The following ZNF600 variants were observed in gnomAD, a reference collection of about 807,000 sequenced individuals.
ZNF600 encodes the protein zinc finger protein KR-ZNF1.
Under a neutral mutation model 7.3 loss-of-function variants are expected in ZNF600, and 4 were observed. That is an observed-to-expected ratio of 0.55 (90% CI 0.27 to 1.25). The LOEUF is 1.25. ZNF600 is among the 50% of genes most tolerant of loss of function. The probability of loss-of-function intolerance (pLI) is 0.12; values close to 1 mark genes in which losing one functional copy is unlikely to be tolerated. For synonymous variants in ZNF600, 290 were observed against 308.9 expected, an observed-to-expected ratio of 0.94 and a Z score of 0.64; for missense variants, 911 against 922.1, an observed-to-expected ratio of 0.99 and a Z score of 0.16.
At chr19:52,787,144 G>T (rs974244020), upstream of ZNF600, among the ~76,000 whole-genome samples, 3 of 152,210 alleles carry the variant, frequency 2.0e-5, no homozygotes, top group African/African-American at 4.8e-5. Context: ...GGTCCACCCC[G>T]TGCTCAGCTT....
the ZNF600 span, among the ~76,000 whole-genome samples, chr19:52,791,900 G>A: frequency 6.6e-6 from 1 of 152,214 alleles, no homozygotes; most frequent in Non-Finnish European, 1.5e-5. Flanking sequence ...TCACCTCTCT[G>A]TGGATCACAG....
intron 1 of ZNF600, among the ~76,000 whole-genome samples, chr19:52,782,009 C>T (rs978970730): frequency 6.6e-6 from 1 of 151,858 alleles, no homozygotes; most frequent in South Asian, 2.1e-4. Context: ...TGCAGTGAGA[C>T]GAGATCGTGC....
upstream of ZNF600, among the ~76,000 whole-genome samples, chr19:52,787,610 G>A (rs2062776199): frequency 6.6e-6 from 1 of 151,410 alleles, no homozygotes; most frequent in African/African-American, 2.4e-5. Flanking sequence ...TGTAATCTCA[G>A]CACTTTGGGA....
At chr19:52,830,363 G>A in the ZNF600 span, among the ~76,000 whole-genome samples, 6 of 152,036 alleles carry the variant, frequency 3.9e-5, no homozygotes, top group Non-Finnish European at 7.4e-5. Flanking sequence ...CAGTGTTCAC[G>A]TACATGACCC....
At chr19:52,768,268 C>G (rs2062604950) in intron 3 of ZNF600, among the ~76,000 whole-genome samples, 1 of 151,072 alleles carries the variant, frequency 6.6e-6, no homozygotes, top group Non-Finnish European at 1.5e-5. Flanking sequence ...ATTATAGCAC[C>G]GAGAAGAGAA....
At chr19:52,783,186 A>G (rs1393533379) in intron 1 of ZNF600, among the ~76,000 whole-genome samples, 1 of 151,966 alleles carries the variant, frequency 6.6e-6, no homozygotes, top group Non-Finnish European at 1.5e-5. Flanking sequence ...ACTTAGACAC[A>G]GGAGTTTGGC....
At chr19:52,810,544 A>T in the ZNF600 span, 1 of 1,596,426 alleles carries the variant, frequency 6.3e-7, no homozygotes, top group South Asian at 1.1e-5. Flanking sequence ...CCAACAGACC[A>T]GGCATCAGCA....
chr19:52,764,439 T>C (rs2062552649), downstream of ZNF600: 1 of 151,986 alleles, frequency 6.6e-6, no homozygotes, highest in Admixed American at 6.6e-5. Flanking sequence ...CTTGAACTTC[T>C]GACCTTAGGT....
the ZNF600 span, among the ~76,000 whole-genome samples, chr19:52,819,289 C>A: frequency 1.4e-5 from 2 of 141,738 alleles, no homozygotes; most frequent in African/African-American, 5.5e-5. Flanking sequence ...CCCTGCCAGG[C>A]ACTGACATGA....
chr19:52,803,751 G>T, the ZNF600 span, among the ~76,000 whole-genome samples: 1 of 152,082 alleles, frequency 6.6e-6, no homozygotes, highest in Non-Finnish European at 1.5e-5. Flanking sequence ...TAAATCAGGA[G>T]TTCGAGACCA....
At chr19:52,785,531 G>C (rs2062756475) in intron 1 of ZNF600, among the ~76,000 whole-genome samples, 1 of 152,126 alleles carries the variant, frequency 6.6e-6, no homozygotes, top group Non-Finnish European at 1.5e-5. Context: ...TTACAGGCAT[G>C]ACCCACAGCG....
chr19:52,811,884 A>G, the ZNF600 span, among the ~76,000 whole-genome samples: 1 of 89,274 alleles, frequency 1.1e-5, no homozygotes, highest in Admixed American at 1.2e-4. Context: ...TCCGGGAGGG[A>G]GGTGGGGGGG....
intron 1 of ZNF600, among the ~76,000 whole-genome samples, chr19:52,782,622 C>A (rs1323935892): frequency 1.3e-5 from 2 of 151,824 alleles, no homozygotes; most frequent in Non-Finnish European, 2.9e-5. Context: ...GCCTGTAATC[C>A]CAACACTTCG....
chr19:52,796,611 C>A, the ZNF600 span, among the ~76,000 whole-genome samples: 1 of 152,160 alleles, frequency 6.6e-6, no homozygotes, highest in Non-Finnish European at 1.5e-5. Flanking sequence ...AACCAGCAGA[C>A]ATGTGCCACC....
the ZNF600 span, among the ~76,000 whole-genome samples, chr19:52,815,454 T>C: frequency 3.5e-5 from 5 of 144,880 alleles, no homozygotes; most frequent in African/African-American, 1.4e-4. Context: ...GAGGTAGAGG[T>C]TGCAGTGAGC....
the ZNF600 span, among the ~76,000 whole-genome samples, chr19:52,819,705 T>A: frequency 1.4e-5 from 2 of 142,742 alleles, no homozygotes; most frequent in African/African-American, 5.8e-5. Context: ...GATGGACTGG[T>A]CTTATCATCC....
the ZNF600 span, among the ~76,000 whole-genome samples, chr19:52,793,378 T>G: frequency 6.6e-6 from 1 of 152,136 alleles, no homozygotes; most frequent in Non-Finnish European, 1.5e-5. Flanking sequence ...AAAGCTGCAA[T>G]GTCAAATGGG....
chr19:52,779,049 A>G (rs2062699496), intron 1 of ZNF600, 142 bp from the exon 4 acceptor site: 2 of 714,742 alleles, frequency 2.8e-6, no homozygotes, highest in African/African-American at 1.8e-5. Flanking sequence ...CAGAGATAAG[A>G]AAGTCCCACA....
At chr19:52,799,270 A>G in the ZNF600 span, 1 of 420,642 alleles carries the variant, frequency 2.4e-6, no homozygotes. Flanking sequence ...TCACATTTGT[A>G]AGGTTTCTCT....
Sources: gnomAD v4.1 joint callset for allele counts (sites outside exome capture counted in the v4.1 genomes callset) on GRCh38, gnomAD v4.1.1 for gene constraint, MANE v1.5 for transcripts, NCBI Gene and HGNC (gene_info 2026-07-23, HGNC 2026-07-21) for gene names.